Variants in DLGAP1 observed in about 807,000 individuals in gnomAD.
DLGAP1 encodes DLG associated protein 1, also known as disks large-associated protein 1.
In DLGAP1, 11 loss-of-function variants were observed where a neutral mutation model predicts 90.8. The ratio of observed to expected loss-of-function variants is 0.12; its 90% CI spans 0.08 to 0.20. The LOEUF (loss-of-function observed/expected upper bound fraction) is 0.20. Ranked by LOEUF, DLGAP1 falls within the 10% of genes least tolerant of loss-of-function variation. The probability of loss-of-function intolerance (pLI) is 1.00; values close to 1 mark genes in which losing one functional copy is unlikely to be tolerated. For synonymous variants in DLGAP1, 558 were observed against 540.7 expected, an observed-to-expected ratio of 1.03 and a Z score of -0.44; for missense variants, 1,050 against 1,333.8, an observed-to-expected ratio of 0.79 and a Z score of 3.31.
At chr18:4,087,367 A>T (rs12968801) in intron 2 of DLGAP1, among the ~76,000 whole-genome samples, 19,693 of 152,098 alleles carry the variant, frequency 0.13, 1,371 homozygotes, top group Non-Finnish European at 0.16. Flanking sequence ...CACCTGGCCC[A>T]CCCAGGGCGG....
chr18:4,336,875 C>T (rs1000554717), intron 1 of DLGAP1, among the ~76,000 whole-genome samples: 10 of 147,732 alleles, frequency 6.8e-5, no homozygotes, highest in South Asian at 2.1e-4. Context: ...TAGAGGCAGG[C>T]GGATCACGAG....
intron 2 of DLGAP1, among the ~76,000 whole-genome samples, chr18:4,115,905 T>G (rs947456098): frequency 6.6e-6 from 1 of 152,210 alleles, no homozygotes; most frequent in Non-Finnish European, 1.5e-5. Context: ...ATTTGTCCTT[T>G]AAATCAGTTT....
At chr18:4,149,033 T>C (rs998310120) in intron 2 of DLGAP1, among the ~76,000 whole-genome samples, 34 of 152,242 alleles carry the variant, frequency 2.2e-4, no homozygotes, top group African/African-American at 7.5e-4. Flanking sequence ...CAGTCTTGCA[T>C]TTCACACAAA....
At chr18:3,919,614 G>A (rs569123670) in intron 3 of DLGAP1, among the ~76,000 whole-genome samples, 2 of 152,344 alleles carry the variant, frequency 1.3e-5, no homozygotes. Context: ...TGCCTGAAAT[G>A]TGCTAGGTAT....
intron 2 of DLGAP1, among the ~76,000 whole-genome samples, chr18:4,028,106 A>G (rs2074732762): frequency 6.6e-6 from 1 of 152,220 alleles, no homozygotes; most frequent in Admixed American, 6.5e-5. Context: ...CAAACCCAAG[A>G]TTGTCAAGAA....
intron 4 of DLGAP1, among the ~76,000 whole-genome samples, chr18:3,870,605 C>CATCTATCATCTATCT (rs1555697994): frequency 6.8e-6 from 1 of 148,114 alleles, no homozygotes; most frequent in African/African-American, 2.5e-5. Context: ...TACATAAATA[C>CATCTATCATCTATCT]ATCTATCTAT....
intron 1 of DLGAP1, among the ~76,000 whole-genome samples, chr18:4,327,746 C>A (rs941641632): frequency 1.3e-5 from 2 of 151,888 alleles, no homozygotes; most frequent in African/African-American, 4.8e-5. Context: ...ATAGTGTCAC[C>A]CCATTTCCAG....
intron 1 of DLGAP1, among the ~76,000 whole-genome samples, chr18:4,193,514 TGCC>T (rs2077439259): frequency 6.6e-6 from 1 of 152,194 alleles, no homozygotes; most frequent in Non-Finnish European, 1.5e-5. Context: ...AATGCTAGGC[TGCC>T]ACCAATTTCC....
chr18:4,428,525 C>T (rs1017549940), intron 1 of DLGAP1, among the ~76,000 whole-genome samples: 3 of 151,904 alleles, frequency 2.0e-5, no homozygotes, highest in African/African-American at 4.8e-5. Flanking sequence ...AAGGTTGCAG[C>T]GAACCGAGAT....
chr18:3,726,018 T>A (rs1783722950), intron 7 of DLGAP1, among the ~76,000 whole-genome samples: 1 of 152,238 alleles, frequency 6.6e-6, no homozygotes, highest in Admixed American at 6.5e-5. Flanking sequence ...CTGACCCGAA[T>A]GTCAAAGATT....
intron 5 of DLGAP1, among the ~76,000 whole-genome samples, chr18:3,764,049 TAAC>T: frequency 6.6e-6 from 1 of 152,258 alleles, no homozygotes; most frequent in South Asian, 2.1e-4. Context: ...AAAGCAAAAA[TAAC>T]AAAACCACAA....
chr18:4,397,513 C>T (rs1277237051), intron 1 of DLGAP1, among the ~76,000 whole-genome samples: 2 of 152,184 alleles, frequency 1.3e-5, no homozygotes, highest in African/African-American at 4.8e-5. Context: ...AAATTATCAG[C>T]ATGCATTTGT....
At chr18:4,022,385 A>G (rs951957097) in intron 2 of DLGAP1, among the ~76,000 whole-genome samples, 6 of 139,416 alleles carry the variant, frequency 4.3e-5, no homozygotes, top group African/African-American at 1.6e-4. Context: ...TTTATAATAT[A>G]TATGTTCATC....
intron 1 of DLGAP1, among the ~76,000 whole-genome samples, chr18:4,180,024 T>C (rs1303580740): frequency 6.6e-6 from 1 of 152,208 alleles, no homozygotes; most frequent in Non-Finnish European, 1.5e-5. Flanking sequence ...ATTTGGACTT[T>C]ACTGACAGGC....
chr18:3,900,008 AAAAC>A (rs565074418), intron 3 of DLGAP1, among the ~76,000 whole-genome samples: 35 of 152,262 alleles, frequency 2.3e-4, no homozygotes, highest in African/African-American at 8.0e-4. Context: ...AACAAAACCA[AAAAC>A]AAACAAACAA....
intron 1 of DLGAP1, among the ~76,000 whole-genome samples, chr18:4,259,995 T>TCC (rs2078972642): frequency 6.6e-6 from 1 of 152,150 alleles, no homozygotes; most frequent in African/African-American, 2.4e-5. Flanking sequence ...TGAAAACAAT[T>TCC]TTATATAATT....
chr18:4,153,159 C>G (rs528233054), intron 1 of DLGAP1, among the ~76,000 whole-genome samples: 1 of 152,138 alleles, frequency 6.6e-6, no homozygotes, highest in Non-Finnish European at 1.5e-5. Context: ...TAGGAGAGGT[C>G]TTAAATGTCA....
At chr18:3,863,354 T>C (rs1331327790) in intron 4 of DLGAP1, among the ~76,000 whole-genome samples, 3 of 152,220 alleles carry the variant, frequency 2.0e-5, no homozygotes, top group Non-Finnish European at 4.4e-5. Flanking sequence ...ACATTTTTAA[T>C]AACAAGAAAC....
At chr18:4,020,426 T>C (rs182731702) in intron 2 of DLGAP1, among the ~76,000 whole-genome samples, 82 of 152,364 alleles carry the variant, frequency 5.4e-4, no homozygotes, top group Non-Finnish European at 1.1e-3. Context: ...GTAACCGTTA[T>C]GTGCCAGGTC....
Sources: gnomAD v4.1 joint callset for allele counts (sites outside exome capture counted in the v4.1 genomes callset) on GRCh38, gnomAD v4.1.1 for gene constraint, MANE v1.5 for transcripts, NCBI Gene and HGNC (gene_info 2026-07-23, HGNC 2026-07-21) for gene names.